Variants in RARS2 observed in about 807,000 individuals in gnomAD.
RARS2 encodes probable arginine--tRNA ligase, mitochondrial.
In RARS2, 67 loss-of-function variants were observed where a neutral mutation model predicts 88.5. That is an observed-to-expected ratio of 0.76 (90% CI 0.62 to 0.93). The LOEUF (loss-of-function observed/expected upper bound fraction) is 0.93. Ranked by LOEUF, RARS2 falls within the 40% of genes least tolerant of loss-of-function variation. The pLI is 0.00. For missense variants in RARS2, 664 were observed against 684.2 expected (o/e 0.97, Z 0.33); for synonymous variants, 239 against 230.3 (o/e 1.04, Z -0.34).
intron 4 of RARS2, among the ~76,000 whole-genome samples, chr6:87,556,707 G>A (rs1786025035): frequency 6.9e-6 from 1 of 144,860 alleles, no homozygotes; most frequent in Non-Finnish European, 1.5e-5. Context: ...CAGGAGAATT[G>A]CTTGAACCTG....
intron 8 of RARS2, among the ~76,000 whole-genome samples, chr6:87,532,223 T>TC (rs1314468275): frequency 4.6e-5 from 7 of 151,604 alleles, no homozygotes; most frequent in African/African-American, 1.2e-4. Context: ...CCTTTTTTTT[T>TC]CCCCCTAGAA....
intron 7 of RARS2, among the ~76,000 whole-genome samples, chr6:87,543,487 C>G (rs1781672776): frequency 6.6e-6 from 1 of 151,382 alleles, no homozygotes; most frequent in Non-Finnish European, 1.5e-5. Context: ...ACTAAAAATA[C>G]AAAATTAGCC....
intron 14 of RARS2, chr6:87,519,177 A>AAAT: frequency 4.8e-6 from 1 of 208,258 alleles, no homozygotes; most frequent in Non-Finnish European, 8.6e-6. Context: ...TATATATATA[A>AAAT]ATATATATGT....
chr6:87,525,394 CT>C (rs938996796), intron 10 of RARS2, among the ~76,000 whole-genome samples: 3 of 151,064 alleles, frequency 2.0e-5, no homozygotes, highest in Admixed American at 6.6e-5. Flanking sequence ...GCAACATAAT[CT>C]TTTTTTTTCA....
At chr6:87,526,263 C>T (rs191144407) in intron 10 of RARS2, among the ~76,000 whole-genome samples, 25 of 152,272 alleles carry the variant, frequency 1.6e-4, no homozygotes, top group Non-Finnish European at 4.4e-5. Flanking sequence ...CGTCTATAAT[C>T]CCAGCACTTT....
intron 16 of RARS2, 52 bp from the exon 17 acceptor site, chr6:87,518,316 G>A: frequency 6.2e-7 from 1 of 1,612,626 alleles, no homozygotes; most frequent in Non-Finnish European, 8.5e-7. Context: ...AGTCATACAA[G>A]GGCACAGAGC....
chr6:87,548,165 C>A (rs1156257208), intron 6 of RARS2, among the ~76,000 whole-genome samples: 3 of 152,038 alleles, frequency 2.0e-5, no homozygotes, highest in East Asian at 3.9e-4. Flanking sequence ...ATCCTTTGAA[C>A]CTGGGAGGCA....
chr6:87,589,840 CTGAG>C, intron 1 of RARS2, 78 bp downstream of exon 1: 4 of 1,613,840 alleles, frequency 2.5e-6, no homozygotes. Context: ...CTCCAGCTGA[CTGAG>C]GACTGGCCCG....
intron 5 of RARS2, among the ~76,000 whole-genome samples, chr6:87,549,565 A>C (rs1287897467): frequency 2.0e-5 from 3 of 151,088 alleles, no homozygotes; most frequent in African/African-American, 7.3e-5. Context: ...AAAAAAAAAA[A>C]CATGTAAAAA....
Position 87,520,118 on chromosome 6 carries a change from C to T in RARS2, c.1112+62G>A, listed in dbSNP as rs933016448. The T allele has an allele frequency of 3.7e-6, 5 of 1,345,532 alleles. 1 individual carries two copies. Among genetic ancestry groups the T allele is most frequent in the Non-Finnish European group, 5.3e-6 (5 of 936,960 alleles). The allele number at this position is 1,345,532 out of a possible 1,614,324, so 83.3% of individuals were successfully genotyped here. ...AAATCTGAGTGAAAAACTTTAACCA[C>T]TAGGTACATTTTCAGGCTCAGCTGA... On this transcript the variant is annotated intron_variant, in intron 13 of 19. Transcript: ENST00000369536.
intron 5 of RARS2, among the ~76,000 whole-genome samples, chr6:87,550,940 G>T (rs1053803939): frequency 3.3e-5 from 5 of 152,000 alleles, no homozygotes; most frequent in Admixed American, 2.6e-4. Flanking sequence ...AGGAAACTGA[G>T]ATGGGGAAGA....
chr6:87,531,255 A>G (rs896543243), intron 8 of RARS2, among the ~76,000 whole-genome samples: 2 of 152,228 alleles, frequency 1.3e-5, no homozygotes, highest in Non-Finnish European at 2.9e-5. Context: ...TTTCCGAGAG[A>G]GGTCAGGGAA....
chr6:87,555,169 A>C (rs141481275), intron 5 of RARS2, among the ~76,000 whole-genome samples: 124 of 151,830 alleles, frequency 8.2e-4, no homozygotes, highest in South Asian at 1.9e-3. Flanking sequence ...GTTCTTCCAA[A>C]AAAGTAATTG....
chr6:87,555,308 T>C, intron 5 of RARS2, 100 bp downstream of exon 5: 5 of 867,640 alleles, frequency 5.8e-6, no homozygotes, highest in Non-Finnish European at 7.5e-6. Flanking sequence ...TTTCAAGTTT[T>C]CCACATGTTA....
chr6:87,531,276 A>C (rs946444543), intron 8 of RARS2, among the ~76,000 whole-genome samples: 1 of 152,206 alleles, frequency 6.6e-6, no homozygotes, highest in African/African-American at 2.4e-5. Flanking sequence ...AACAAAGTAT[A>C]ATTTTTTCTT....
rs1208938361 is a variant in RARS2, at chr6:87,524,559, G to A, written c.972C>T (p.Thr324=). ...MRSDGTSLYA[T]RDLAAAIDRM... ...TGACCCTCACAGAGGCTACAAACCT[G>A]GTTGCATAGAGAGAAGTCCCATCAC... The change falls in exon 11 of 20, where the codon ACC becomes ACT. Residue 324 remains threonine, a splice_region_variant and synonymous_variant. Transcript: ENST00000369536. 6.2e-7 allele frequency: 1 copy of A among 1,604,620 alleles called. No individual in the cohort carries two copies. Among genetic ancestry groups the A allele is most frequent in the Admixed American group, 1.7e-5 (1 of 60,006 alleles).
In RARS2 at chr6:87,541,818, T is replaced by C. The variant is rs1014906295; in HGVS notation, c.612+100A>G. The C allele has an allele frequency of 4.4e-6, 4 of 910,690 alleles. No homozygotes were observed. In the African/African-American group the frequency reaches 6.7e-5, roughly 15 times the overall value. The allele number at this position is 910,690 out of a possible 1,614,324, so 56.4% of individuals were successfully genotyped here. ...CAGCCTGGGCAACAGAGCGAGACCC[T>C]GTCTCAAAATAAAGAAAAATAAACC... On this transcript the variant is annotated intron_variant, in intron 8 of 19. Coordinates refer to ENST00000369536, the MANE Select transcript of RARS2 (RefSeq NM_020320.5).
At chr6:87,556,806 A>AAC (rs386407853) in intron 4 of RARS2, among the ~76,000 whole-genome samples, 8 of 149,100 alleles carry the variant, frequency 5.4e-5, no homozygotes, top group African/African-American at 2.0e-4. Context: ...AAAAAAAAAA[A>AAC]AAATTTTTTT....
intron 10 of RARS2, among the ~76,000 whole-genome samples, chr6:87,525,692 G>A (rs976361954): frequency 4.6e-5 from 7 of 151,932 alleles, no homozygotes; most frequent in Non-Finnish European, 7.4e-5. Context: ...GGAATTAGGC[G>A]CGCGCCACCA....
Sources: allele counts gnomAD v4.1 joint callset (sites outside exome capture counted in the v4.1 genomes callset), GRCh38; gene constraint gnomAD v4.1.1; transcripts MANE v1.5; gene names NCBI Gene and HGNC (gene_info 2026-07-23, HGNC 2026-07-21).